Variants in ARAP2 observed in about 807,000 individuals in gnomAD.
The protein encoded by ARAP2 is arf-GAP with Rho-GAP domain, ANK repeat and PH domain-containing protein 2.
In ARAP2, 148 loss-of-function variants were observed where a neutral mutation model predicts 194.5. That is an observed-to-expected ratio of 0.76 (90% CI 0.67 to 0.87). The LOEUF is 0.87. Among genes scored for constraint, ARAP2 ranks in the 40% least tolerant of loss-of-function variants. The probability of loss-of-function intolerance (pLI) is 0.00; values close to 1 mark genes in which losing one functional copy is unlikely to be tolerated. For synonymous variants in ARAP2, 695 were observed against 683.5 expected (o/e 1.02, Z -0.26); for missense variants, 2,128 against 1,989.7 (o/e 1.07, Z -1.32).
chr4:36,084,466 ATACTGT>A (rs1244408946), intron 28 of ARAP2, among the ~76,000 whole-genome samples: 1 of 152,034 alleles, frequency 6.6e-6, no homozygotes, highest in East Asian at 1.9e-4. Flanking sequence ...GGGATTTTCT[ATACTGT>A]TTGGATTTCG....
At chr4:36,217,844 TATG>T (rs1202266946) in intron 2 of ARAP2, among the ~76,000 whole-genome samples, 1 of 150,860 alleles carries the variant, frequency 6.6e-6, no homozygotes, top group East Asian at 1.9e-4. Flanking sequence ...ATACTAGATA[TATG>T]ATAATACTAG....
intron 2 of ARAP2, among the ~76,000 whole-genome samples, chr4:36,220,945 C>T (rs1164891027): frequency 2.6e-5 from 4 of 151,966 alleles, no homozygotes; most frequent in South Asian, 2.1e-4. Context: ...GGGTCTATAA[C>T]GTCTACAGTG....
At chr4:36,115,435 AAAT>A (rs1721083703) in intron 25 of ARAP2, among the ~76,000 whole-genome samples, 1 of 152,048 alleles carries the variant, frequency 6.6e-6, no homozygotes. Context: ...TTTCTTTAAA[AAAT>A]AATAAATTAT....
At chr4:36,043,741 G>A (rs1029749290) in intron 5 of ARAP2, among the ~76,000 whole-genome samples, 1 of 148,412 alleles carries the variant, frequency 6.7e-6, no homozygotes, top group Non-Finnish European at 1.5e-5. Context: ...TCTGGGGCTG[G>A]GACATGTAGG....
At chr4:36,041,517 A>C (rs895613368) in intron 5 of ARAP2, among the ~76,000 whole-genome samples, 8 of 152,204 alleles carry the variant, frequency 5.3e-5, no homozygotes, top group Non-Finnish European at 1.2e-4. Flanking sequence ...TATTACTAAA[A>C]AGTCAAATAA....
intron 3 of ARAP2, among the ~76,000 whole-genome samples, chr4:36,048,298 A>G (rs879621055): frequency 1.3e-5 from 2 of 152,150 alleles, no homozygotes; most frequent in African/African-American, 4.8e-5. Context: ...GGTGTATTGA[A>G]TGATGCTGCA....
At chr4:36,192,504 T>G (rs749501607) in intron 7 of ARAP2, among the ~76,000 whole-genome samples, 1 of 152,156 alleles carries the variant, frequency 6.6e-6, no homozygotes, top group Non-Finnish European at 1.5e-5. Context: ...GCAACAGTTT[T>G]ATGGCATGGA....
At chr4:36,224,176 G>A (rs7674937) in intron 2 of ARAP2, among the ~76,000 whole-genome samples, 55,197 of 147,386 alleles carry the variant, frequency 0.37, 10,544 homozygotes, top group Middle Eastern at 0.43. Context: ...AATAAAAAAA[G>A]AAACAACAAA....
chr4:36,166,854 C>T, intron 10 of ARAP2, 78 bp downstream of exon 10: 2 of 745,316 alleles, frequency 2.7e-6, no homozygotes, highest in Non-Finnish European at 4.0e-6. Context: ...AGAGAAAAAT[C>T]ACCACGAACA....
At chr4:36,152,445 C>T (rs1364519396) in intron 15 of ARAP2, among the ~76,000 whole-genome samples, 1 of 152,018 alleles carries the variant, frequency 6.6e-6, no homozygotes, top group African/African-American at 2.4e-5. Context: ...AATTTCAAAA[C>T]AATGTATTCA....
At chr4:36,186,492 T>G (rs1442973401) in intron 8 of ARAP2, among the ~76,000 whole-genome samples, 2 of 152,246 alleles carry the variant, frequency 1.3e-5, no homozygotes, top group Admixed American at 6.5e-5. Context: ...GAATGATTAC[T>G]GTGCCTGTGC....
intron 1 of ARAP2, among the ~76,000 whole-genome samples, chr4:36,240,741 T>C (rs183057110): frequency 6.6e-6 from 1 of 152,308 alleles, no homozygotes; most frequent in East Asian, 1.9e-4. Context: ...CTGGGCAAAA[T>C]CATTTCATAG....
At chr4:36,211,142 A>T (rs1746667073) in intron 5 of ARAP2, among the ~76,000 whole-genome samples, 1 of 152,088 alleles carries the variant, frequency 6.6e-6, no homozygotes, top group East Asian at 1.9e-4. Context: ...TGGAGATCTT[A>T]TTTCCAATTT....
intron 27 of ARAP2, among the ~76,000 whole-genome samples, chr4:36,093,906 T>C (rs891562601): frequency 3.3e-5 from 5 of 152,200 alleles, no homozygotes; most frequent in African/African-American, 1.2e-4. Context: ...TGTTCTTTTC[T>C]AGACATTGCT....
chr4:36,171,986 A>T (rs1414501821), intron 9 of ARAP2, among the ~76,000 whole-genome samples: 1 of 152,250 alleles, frequency 6.6e-6, no homozygotes, highest in African/African-American at 2.4e-5. Context: ...GATAAGCCAA[A>T]CTATCAACCT....
chr4:36,013,604 G>T (rs2136807), intron 8 of ARAP2, among the ~76,000 whole-genome samples: 42,276 of 152,090 alleles, frequency 0.28, 6,894 homozygotes, highest in East Asian at 0.44. Flanking sequence ...TAGTATATTT[G>T]CTGATGGGAG....
intron 3 of ARAP2, 133 bp downstream of exon 3, chr4:36,214,289 A>G (rs969359401): frequency 7.2e-6 from 4 of 553,844 alleles, no homozygotes. Context: ...CTGAAGTACT[A>G]TGAACACTGG....
intron 15 of ARAP2, among the ~76,000 whole-genome samples, chr4:36,154,098 A>C (rs1347542015): frequency 6.6e-6 from 1 of 152,168 alleles, no homozygotes; most frequent in Non-Finnish European, 1.5e-5. Flanking sequence ...TACTCACTGT[A>C]TCTGTTATAT....
intron 1 of ARAP2, among the ~76,000 whole-genome samples, chr4:36,231,370 T>G (rs577983340): frequency 6.6e-6 from 1 of 151,668 alleles, no homozygotes; most frequent in African/African-American, 2.4e-5. Context: ...TAAAAAATTT[T>G]AAAAAAAGAA....
Sources: allele counts gnomAD v4.1 joint callset (sites outside exome capture counted in the v4.1 genomes callset), GRCh38; gene constraint gnomAD v4.1.1; transcripts MANE v1.5; gene names NCBI Gene and HGNC (gene_info 2026-07-23, HGNC 2026-07-21).